The following WDPCP variants were observed in gnomAD, a reference collection of about 807,000 sequenced individuals.
WDPCP encodes the protein WD repeat-containing and planar cell polarity effector protein fritz homolog.
A neutral mutation model predicts 93.1 loss-of-function variants in WDPCP; 71 were observed. The observed-to-expected ratio is 0.76, with a 90% CI of 0.63 to 0.93. The LOEUF (loss-of-function observed/expected upper bound fraction) is 0.93, where lower values mean the gene tolerates loss of function less well. Among genes scored for constraint, WDPCP ranks in the 40% least tolerant of loss-of-function variants. The probability of loss-of-function intolerance (pLI) is 0.00; values close to 1 mark genes in which losing one functional copy is unlikely to be tolerated. For synonymous variants in WDPCP, 315 were observed against 315.0 expected (o/e 1.00, Z 0.00); for missense variants, 844 against 887.4 (o/e 0.95, Z 0.62).
At chr2:63,307,355 A>G (rs1443307136) in intron 13 of WDPCP, among the ~76,000 whole-genome samples, 4 of 152,160 alleles carry the variant, frequency 2.6e-5, no homozygotes, top group Non-Finnish European at 5.9e-5. Context: ...TCAAGCTACC[A>G]TTGACTTTCT....
chr2:63,327,297 T>C (rs1687632162), intron 12 of WDPCP, among the ~76,000 whole-genome samples: 1 of 152,214 alleles, frequency 6.6e-6, no homozygotes, highest in South Asian at 2.1e-4. Context: ...GAGCCATCTA[T>C]ACCAATTCTA....
intron 1 of WDPCP, among the ~76,000 whole-genome samples, chr2:63,562,974 C>T (rs541518218): frequency 6.6e-6 from 1 of 152,150 alleles, no homozygotes; most frequent in Non-Finnish European, 1.5e-5. Context: ...AGTGTGCTCA[C>T]TGCTACTAGA....
At chr2:63,724,522 A>G (rs1006740758) in intron 2 of WDPCP, among the ~76,000 whole-genome samples, 3 of 152,214 alleles carry the variant, frequency 2.0e-5, no homozygotes, top group South Asian at 2.1e-4. Flanking sequence ...TAGCTTCAAA[A>G]TATCACTAAT....
chr2:63,557,223 T>A (rs1170706254), intron 1 of WDPCP, among the ~76,000 whole-genome samples: 1 of 152,136 alleles, frequency 6.6e-6, no homozygotes, highest in Non-Finnish European at 1.5e-5. Flanking sequence ...ACAAGCTAGA[T>A]AAAGAATCAA....
chr2:63,462,611 A>C (rs1699092972), intron 6 of WDPCP, among the ~76,000 whole-genome samples: 1 of 152,136 alleles, frequency 6.6e-6, no homozygotes, highest in Non-Finnish European at 1.5e-5. Flanking sequence ...GTTTTGAAGT[A>C]GTCTAGAGAG....
chr2:63,465,067 T>C (rs1699256745), intron 6 of WDPCP, among the ~76,000 whole-genome samples: 2 of 152,026 alleles, frequency 1.3e-5, no homozygotes, highest in Non-Finnish European at 2.9e-5. Flanking sequence ...ATAAAAAAAT[T>C]AATTTAAAGT....
intron 2 of WDPCP, chr2:63,752,638 T>G: frequency 2.1e-6 from 1 of 467,152 alleles, no homozygotes; most frequent in Non-Finnish European, 3.8e-6. Context: ...ACGGTGGCGG[T>G]GGGAAGAGAC....
At chr2:63,337,232 C>T (rs961398606) in intron 12 of WDPCP, among the ~76,000 whole-genome samples, 1 of 152,180 alleles carries the variant, frequency 6.6e-6, no homozygotes, top group East Asian at 1.9e-4. Context: ...TGAGTGAGAA[C>T]ATGCAGTATT....
At chr2:63,320,492 T>C (rs1330606223) in intron 12 of WDPCP, among the ~76,000 whole-genome samples, 1 of 152,068 alleles carries the variant, frequency 6.6e-6, no homozygotes, top group Non-Finnish European at 1.5e-5. Context: ...TTTGTGAGGG[T>C]TGTAACATGT....
At chr2:63,656,841 T>G (rs893003591) in intron 2 of WDPCP, among the ~76,000 whole-genome samples, 1 of 152,130 alleles carries the variant, frequency 6.6e-6, no homozygotes, top group Non-Finnish European at 1.5e-5. Flanking sequence ...GCAAGGGGGC[T>G]GAGGAATGAA....
chr2:63,290,861 T>G (rs4611627), intron 13 of WDPCP, among the ~76,000 whole-genome samples: 123,093 of 152,028 alleles, frequency 0.81, 50,622 homozygotes, highest in East Asian at 0.96. Flanking sequence ...TAAAGATTTA[T>G]CTCTCATCAC....
intron 2 of WDPCP, among the ~76,000 whole-genome samples, chr2:63,750,062 A>G (rs1342140499): frequency 1.3e-5 from 2 of 152,088 alleles, no homozygotes; most frequent in Non-Finnish European, 2.9e-5. Flanking sequence ...GAGAATATAT[A>G]TATTTGTGAT....
At chr2:63,178,493 T>C (rs1191802897) in intron 14 of WDPCP, among the ~76,000 whole-genome samples, 1 of 152,204 alleles carries the variant, frequency 6.6e-6, no homozygotes, top group African/African-American at 2.4e-5. Flanking sequence ...TGTTGGCATA[T>C]GACTGTTTGT....
chr2:63,562,298 T>C (rs866008871), intron 1 of WDPCP, among the ~76,000 whole-genome samples: 1 of 152,038 alleles, frequency 6.6e-6, no homozygotes, highest in Non-Finnish European at 1.5e-5. Context: ...ATATTCTCAC[T>C]TATAAGTGGG....
chr2:63,218,809 C>T (rs1677568260), intron 14 of WDPCP, among the ~76,000 whole-genome samples: 1 of 152,166 alleles, frequency 6.6e-6, no homozygotes, highest in Admixed American at 6.5e-5. Context: ...GCTGGGATTA[C>T]AGGTGTGAGC....
chr2:63,703,729 A>G (rs1669100318), intron 2 of WDPCP, among the ~76,000 whole-genome samples: 1 of 152,182 alleles, frequency 6.6e-6, no homozygotes, highest in Non-Finnish European at 1.5e-5. Flanking sequence ...GAAGTCAGGT[A>G]GCATGATGCC....
intron 1 of WDPCP, among the ~76,000 whole-genome samples, chr2:63,529,170 T>A (rs1703610169): frequency 6.6e-6 from 1 of 152,186 alleles, no homozygotes; most frequent in African/African-American, 2.4e-5. Flanking sequence ...ACAGGAACGA[T>A]TTGACTTCCT....
At chr2:63,404,896 C>T (rs1405613341) in intron 9 of WDPCP, among the ~76,000 whole-genome samples, 1 of 152,000 alleles carries the variant, frequency 6.6e-6, no homozygotes, top group Non-Finnish European at 1.5e-5. Flanking sequence ...ATACATATAG[C>T]ACAGCTGCAA....
intron 15 of WDPCP, among the ~76,000 whole-genome samples, chr2:63,159,088 T>A (rs1672473611): frequency 6.6e-6 from 1 of 150,820 alleles, no homozygotes; most frequent in Non-Finnish European, 1.5e-5. Flanking sequence ...CCCAGGAGGT[T>A]AAGGCTGCAG....
Sources: allele counts gnomAD v4.1 joint callset (sites outside exome capture counted in the v4.1 genomes callset), GRCh38; gene constraint gnomAD v4.1.1; transcripts MANE v1.5; gene names NCBI Gene and HGNC (gene_info 2026-07-23, HGNC 2026-07-21).